Variants in DACH1 observed in about 807,000 individuals in gnomAD.
The protein encoded by DACH1 is dachshund homolog 1.
DACH1 carries 12 observed loss-of-function variants against 54.2 expected under a neutral mutation model. That is an observed-to-expected ratio of 0.22 (90% confidence interval 0.14 to 0.36). The LOEUF is 0.36. Among genes scored for constraint, DACH1 ranks in the 10% least tolerant of loss-of-function variants. The pLI is 1.00. For missense variants in DACH1, 805 were observed against 929.8 expected (o/e 0.87, Z 1.75); for synonymous variants, 386 against 366.2 (o/e 1.05, Z -0.62).
intron 6 of DACH1, among the ~76,000 whole-genome samples, chr13:71,555,350 CT>C (rs1344855796): frequency 4.6e-4 from 67 of 145,572 alleles, no homozygotes; most frequent in South Asian, 4.4e-4. Context: ...CTTATCTTTT[CT>C]TTTTTTTTTT....
chr13:71,685,564 G>C (rs1881118868), intron 1 of DACH1, among the ~76,000 whole-genome samples: 1 of 152,128 alleles, frequency 6.6e-6, no homozygotes, highest in African/African-American at 2.4e-5. Context: ...TTATTAACAA[G>C]ACTTTTCTCT....
chr13:71,498,182 A>G (rs559128062), intron 6 of DACH1, among the ~76,000 whole-genome samples: 3 of 152,196 alleles, frequency 2.0e-5, no homozygotes, highest in Non-Finnish European at 4.4e-5. Context: ...ACTATCACCT[A>G]TATCAGTGAG....
chr13:71,721,611 C>T (rs1405043491), intron 1 of DACH1, among the ~76,000 whole-genome samples: 1 of 152,026 alleles, frequency 6.6e-6, no homozygotes, highest in Non-Finnish European at 1.5e-5. Flanking sequence ...AAATAATCAC[C>T]AAGTCATATG....
chr13:71,700,333 G>A (rs1005814396), intron 1 of DACH1, among the ~76,000 whole-genome samples: 7 of 151,980 alleles, frequency 4.6e-5, no homozygotes, highest in Admixed American at 1.3e-4. Context: ...CGAGTTGGGC[G>A]GATCACGAGG....
chr13:71,656,237 C>A (rs919791087), intron 2 of DACH1, among the ~76,000 whole-genome samples: 2 of 152,178 alleles, frequency 1.3e-5, no homozygotes, highest in African/African-American at 4.8e-5. Context: ...ATTACTTGGG[C>A]ATTCCCTGTT....
At chr13:71,489,210 A>G in intron 6 of DACH1, 62 bp from the exon 7 acceptor site, 1 of 1,542,572 alleles carries the variant, frequency 6.5e-7, no homozygotes, top group Non-Finnish European at 8.8e-7. Context: ...ATTAGACCTC[A>G]GTAATGGCTT....
chr13:71,699,323 T>G (rs1447505060), intron 1 of DACH1, among the ~76,000 whole-genome samples: 2 of 152,246 alleles, frequency 1.3e-5, no homozygotes, highest in African/African-American at 4.8e-5. Context: ...CTCTCCTCTT[T>G]ACTTACACTT....
chr13:71,704,487 C>T (rs980493443), intron 1 of DACH1: 7 of 347,868 alleles, frequency 2.0e-5, no homozygotes, highest in Non-Finnish European at 3.4e-5. Context: ...GAGATAGCTT[C>T]CTGAAATGTG....
chr13:71,509,439 C>T (rs1044927014), intron 6 of DACH1, among the ~76,000 whole-genome samples: 1 of 152,074 alleles, frequency 6.6e-6, no homozygotes, highest in Non-Finnish European at 1.5e-5. Context: ...AAGGTGAATA[C>T]AACTAGTGTG....
In DACH1 at chr13:71,775,301, CA is replaced by C. The variant is rs552450097; in HGVS notation, c.848+90620del. 3.5e-3 allele frequency among the ~76,000 whole-genome samples: 537 copies of C among 151,778 alleles called. 1 individual carries two copies. The highest frequency in any genetic ancestry group is 0.013 in the African/African-American group (520 of 41,406). On this transcript the variant is annotated intron_variant, in intron 1 of 10. Coordinates refer to ENST00000613252, the MANE Select transcript of DACH1 (RefSeq NM_080759.6). Reference sequence around the variant, plus strand: ...GCCTGGGCAACAGGGCAAGTCTCTTCAAGAAAAACAATTGCCACCTCAAATT... The same window carrying C: ...GCCTGGGCAACAGGGCAAGTCTCTTCAGAAAAACAATTGCCACCTCAAATT...
chr13:71,668,961 T>C lies in DACH1; in HGVS notation c.964+12834A>G, dbSNP rs60994542. Among the ~76,000 whole-genome samples, 888 of 152,122 alleles carry C rather than the reference T, an allele frequency of 5.8e-3. 13 individuals are homozygous for C. The highest frequency in any genetic ancestry group is 0.02 in the African/African-American group (846 of 41,504). On this transcript the variant is annotated intron_variant, in intron 2 of 10. Coordinates refer to ENST00000613252, the MANE Select transcript of DACH1 (RefSeq NM_080759.6). Reference sequence around the variant, plus strand: ...CAAAAAAAGAAACAAGAAATGATTATAACCTGATGCCATAAATATGGGAAA... The same window carrying C: ...CAAAAAAAGAAACAAGAAATGATTACAACCTGATGCCATAAATATGGGAAA...
intron 1 of DACH1, among the ~76,000 whole-genome samples, chr13:71,685,162 T>G (rs566961594): frequency 5.6e-4 from 86 of 152,224 alleles, no homozygotes; most frequent in African/African-American, 1.9e-3. Flanking sequence ...GGCTACTAAG[T>G]AGGAACACTT....
chr13:71,680,949 T>C (rs1318236816), intron 2 of DACH1, among the ~76,000 whole-genome samples: 1 of 152,058 alleles, frequency 6.6e-6, no homozygotes, highest in Admixed American at 6.5e-5. Context: ...CCTGATTACC[T>C]TTCTTGTATC....
intron 3 of DACH1, among the ~76,000 whole-genome samples, chr13:71,599,032 G>A (rs61957830): frequency 0.12 from 18,828 of 151,932 alleles, 2,638 homozygotes; most frequent in African/African-American, 0.35. Flanking sequence ...TTATATAAGG[G>A]TATAGCTCTA....
chr13:71,794,083 AGT>A (rs1886944478), intron 1 of DACH1, among the ~76,000 whole-genome samples: 1 of 152,186 alleles, frequency 6.6e-6, no homozygotes, highest in Non-Finnish European at 1.5e-5. Flanking sequence ...AAAGGTATAA[AGT>A]AGTTAAGTTA....
At chr13:71,549,598 T>A (rs997194821) in intron 6 of DACH1, among the ~76,000 whole-genome samples, 3 of 152,156 alleles carry the variant, frequency 2.0e-5, no homozygotes, top group Non-Finnish European at 2.9e-5. Flanking sequence ...AGAAAAGATG[T>A]ACTGGAGATA....
At chr13:71,776,458 G>A (rs1886069414) in intron 1 of DACH1, among the ~76,000 whole-genome samples, 1 of 152,032 alleles carries the variant, frequency 6.6e-6, no homozygotes, top group African/African-American at 2.4e-5. Context: ...TATAACTTTA[G>A]ATGTTATTTT....
intron 6 of DACH1, among the ~76,000 whole-genome samples, chr13:71,500,873 T>C (rs1231208293): frequency 6.6e-6 from 1 of 152,134 alleles, no homozygotes; most frequent in African/African-American, 2.4e-5. Flanking sequence ...GTGGTTTTTT[T>C]TTAAATTAAG....
intron 3 of DACH1, among the ~76,000 whole-genome samples, chr13:71,621,327 C>T (rs1876220041): frequency 6.6e-6 from 1 of 152,028 alleles, no homozygotes; most frequent in Non-Finnish European, 1.5e-5. Flanking sequence ...GAAAAAGTCC[C>T]TGTCGCATTT....
Sources: gnomAD v4.1 joint callset for allele counts (sites outside exome capture counted in the v4.1 genomes callset) on GRCh38, gnomAD v4.1.1 for gene constraint, MANE v1.5 for transcripts, NCBI Gene and HGNC (gene_info 2026-07-23, HGNC 2026-07-21) for gene names.